Variants in RTL10 observed in about 807,000 individuals in gnomAD.
RTL10 encodes the protein retrotransposon Gag like 10, also known as protein Bop.
For missense variants in RTL10, 477 were observed against 470.7 expected, an observed-to-expected ratio of 1.01 and a Z score of -0.12; for synonymous variants, 199 against 188.4, an observed-to-expected ratio of 1.06 and a Z score of -0.46.
In RTL10 at chr22:19,848,165, T is replaced by C; in HGVS notation, c.*3002A>G. 5 of 985,440 alleles carry C rather than the reference T, an allele frequency of 5.1e-6. No homozygotes were observed. Among genetic ancestry groups the C allele is most frequent in the Non-Finnish European group, 6.0e-6 (5 of 829,914 alleles). 61.0% of individuals were successfully genotyped at this position (985,440 alleles called of 1,614,324 possible). ...TAAAGTTTTCCTTGCAGACAGGTAC[T>C]TTAAATACCATCTCACAGCACCCAT... On this transcript the variant is annotated 3_prime_UTR_variant, in exon 3 of 3. Coordinates refer to ENST00000328554, the MANE Select transcript of RTL10 (RefSeq NM_024627.6).
Position 19,850,833 on chromosome 22 carries a change from T to A in RTL10, c.*334A>T. On this transcript the variant is annotated 3_prime_UTR_variant, in exon 3 of 3. Coordinates refer to ENST00000328554, the MANE Select transcript of RTL10 (RefSeq NM_024627.6). ...GGGGGGTGTTTTATGGGGGTGGAGG[T>A]GACAAAGATGATGCAACTATCTGCT... 7.8e-7 allele frequency: 1 copy of A among 1,289,562 alleles called. No homozygotes were observed. The highest frequency in any genetic ancestry group is 9.8e-7 in the Non-Finnish European group (1 of 1,022,404). 79.9% of individuals were successfully genotyped at this position (1,289,562 alleles called of 1,614,324 possible). A position where few individuals can be genotyped will look rare whatever the true frequency, so the allele number is the denominator to read the frequency against.
Position 19,851,371 on chromosome 22 carries a change from G to T in RTL10, c.891C>A (p.Pro297=), listed in dbSNP as rs146626259. ...PASSQPEEAA[P]TPVPRLSESA... is the part of the protein sequence containing the mutation. ...ACTCCGACAGTCTAGGGACAGGTGT[G>T]GGGGCTGCCTCCTCTGGCTGGGAAG... The change falls in exon 3 of 3, where the codon CCC becomes CCA. Residue 297 remains proline, a synonymous_variant. Transcript: ENST00000328554. The T allele has an allele frequency of 3.1e-5, 50 of 1,614,020 alleles. 1 individual carries two copies. The South Asian group carries it at 4.3e-4, about 14-fold the overall frequency.
Position 19,849,798 on chromosome 22 carries a change from G to A in RTL10, c.*1369C>T. The A allele has an allele frequency of 1.0e-6, 1 of 985,352 alleles. No homozygotes were observed. Among genetic ancestry groups the A allele is most frequent in the Non-Finnish European group, 1.2e-6 (1 of 829,926 alleles). The allele number at this position is 985,352 out of a possible 1,614,324, so 61.0% of individuals were successfully genotyped here. On this transcript the variant is annotated 3_prime_UTR_variant, in exon 3 of 3. Transcript: ENST00000328554. ...GTGTTGTTTTGTTGTTTTCACAATT[G>A]TAAACCTGAAAGGGACTTGAACTTC...
rs1345773718 is a variant in RTL10, at chr22:19,851,948, C to A, written c.314G>T (p.Gly105Val). 2 of 1,614,074 alleles carry A rather than the reference C, an allele frequency of 1.2e-6. No homozygotes were observed. Among genetic ancestry groups the A allele is most frequent in the Non-Finnish European group, 1.7e-6 (2 of 1,179,944 alleles). The stretch of plus-strand genomic sequence containing the variant: ...TAGCCACGGGGAGCCATCAAAGGTG[C>A]CTGGGTCTGAGCCTGGTACCCAGCA... Reference protein sequence around the residue: ...DFCWVPGSDPGTFDGSPWLLD... With the variant: ...DFCWVPGSDPVTFDGSPWLLD... The change falls in exon 3 of 3, where the codon GGC (glycine) becomes GTC (valine). Residue 105 changes from glycine (G) to valine (V), a missense_variant. Gly to Val is a moderately radical substitution (Grantham distance 109). Coordinates refer to ENST00000328554, the MANE Select transcript of RTL10 (RefSeq NM_024627.6).
rs1477074798 is a variant in RTL10 at position 19,854,526 on chromosome 22, A to C, written c.-309T>G. On this transcript the variant is annotated 5_prime_UTR_variant, in exon 2 of 3. Transcript: ENST00000328554. ...GGACGGGCCTCCCTCTGAGGGCGAG[A>C]GTCCAGGCGCCACCTAGAAAGTGGA... The C allele has an allele frequency of 6.6e-6, 1 of 152,608 alleles. No individual in the cohort carries two copies. Among genetic ancestry groups the C allele is most frequent in the Non-Finnish European group, 1.5e-5 (1 of 68,070 alleles). The allele number at this position is 152,608 out of a possible 1,614,324, so 9.5% of individuals were successfully genotyped here. A position where few individuals can be genotyped will look rare whatever the true frequency, so the allele number is the denominator to read the frequency against.
Position 19,852,346 on chromosome 22 carries a change from G to C in RTL10, c.-85C>G. 1 of 1,432,842 alleles carries C rather than the reference G, an allele frequency of 7.0e-7. No individual in the cohort carries two copies. The highest frequency in any genetic ancestry group is 9.5e-7 in the Non-Finnish European group (1 of 1,049,394). The allele number at this position is 1,432,842 out of a possible 1,614,324, so 88.8% of individuals were successfully genotyped here. ...CAGATGTGGCTTGCACGACACAACA[G>C]GACAGGGATGGCTGAACAGGGCGTG... On this transcript the variant is annotated 5_prime_UTR_variant, in exon 3 of 3. Coordinates refer to ENST00000328554, the MANE Select transcript of RTL10 (RefSeq NM_024627.6).
At position 19,850,173 on chromosome 22, in the gene RTL10, C is replaced by T. The variant is rs943488519; in HGVS notation, c.*994G>A. On this transcript the variant is annotated 3_prime_UTR_variant, in exon 3 of 3. Coordinates refer to ENST00000328554, the MANE Select transcript of RTL10 (RefSeq NM_024627.6). ...CTGACCTGGAATGCTCATGGCCAGG[C>T]CTCTGCTCCTGACAGAATGGGAAAC... The T allele has an allele frequency of 2.0e-6, 2 of 985,572 alleles. No individual in the cohort carries two copies. Among genetic ancestry groups the T allele is most frequent in the African/African-American group, 1.7e-5 (1 of 57,230 alleles). The allele number at this position is 985,572 out of a possible 1,614,324, so 61.1% of individuals were successfully genotyped here. A position where few individuals can be genotyped will look rare whatever the true frequency, so the allele number is the denominator to read the frequency against.
chr22:19,853,378 G>C (rs1267167811), intron 2 of RTL10, among the ~76,000 whole-genome samples: 3 of 152,098 alleles, frequency 2.0e-5, no homozygotes, highest in African/African-American at 4.8e-5. Flanking sequence ...AGAGCCAGTA[G>C]CCAGTTCTAT....
intron 2 of RTL10, among the ~76,000 whole-genome samples, chr22:19,853,328 C>T (rs770573358): frequency 1.3e-5 from 2 of 152,160 alleles, no homozygotes; most frequent in African/African-American, 2.4e-5. Context: ...TGGCTGGACC[C>T]GCCCCTCCTT....
In RTL10 at chr22:19,846,470, G is replaced by A. The variant is rs1937963259; in HGVS notation, c.*4697C>T. 2.0e-6 allele frequency: 2 copies of A among 985,200 alleles called. No homozygotes were observed. Among genetic ancestry groups the A allele is most frequent in the Non-Finnish European group, 2.4e-6 (2 of 829,710 alleles). The allele number at this position is 985,200 out of a possible 1,614,324, so 61.0% of individuals were successfully genotyped here. A position where few individuals can be genotyped will look rare whatever the true frequency, so the allele number is the denominator to read the frequency against. On this transcript the variant is annotated 3_prime_UTR_variant, in exon 3 of 3. Coordinates refer to ENST00000328554, the MANE Select transcript of RTL10 (RefSeq NM_024627.6). ...GTATGGGCCCCAGAACCCAGGGCCT[G>A]GGGGACTCTGCACACAGGCATGTGG...
Position 19,846,356 on chromosome 22 carries a change from A to C in RTL10, c.*4811T>G. 2 of 932,514 alleles carry C rather than the reference A, an allele frequency of 2.1e-6. No homozygotes were observed. The highest frequency in any genetic ancestry group is 2.6e-6 in the Non-Finnish European group (2 of 781,290). The allele number at this position is 932,514 out of a possible 1,614,324, so 57.8% of individuals were successfully genotyped here. A position where few individuals can be genotyped will look rare whatever the true frequency, so the allele number is the denominator to read the frequency against. ...TGCCTTTGTACCCCCCAGGTAGGGA[A>C]AGATTTCTTAAGTGAGAAACAGCAT... is the stretch of plus-strand genomic sequence containing the variant. On this transcript the variant is annotated 3_prime_UTR_variant, in exon 3 of 3. Transcript: ENST00000328554.
chr22:19,849,126 A>T lies in RTL10; in HGVS notation c.*2041T>A, dbSNP rs1375341177. The T allele has an allele frequency of 7.1e-6, 7 of 985,314 alleles. No homozygotes were observed. The highest frequency in any genetic ancestry group is 8.4e-6 in the Non-Finnish European group (7 of 829,916). 61.0% of individuals were successfully genotyped at this position (985,314 alleles called of 1,614,324 possible). A position where few individuals can be genotyped will look rare whatever the true frequency, so the allele number is the denominator to read the frequency against. ...ATCCAGGGACTTCTCACATCTGACC[A>T]GAATCAAGACTGAAAATGGGTTTCT... On this transcript the variant is annotated 3_prime_UTR_variant, in exon 3 of 3. Transcript: ENST00000328554.
chr22:19,854,217 G>A (rs1938180946), intron 2 of RTL10, among the ~76,000 whole-genome samples: 1 of 152,290 alleles, frequency 6.6e-6, no homozygotes, highest in Admixed American at 6.5e-5. Flanking sequence ...TATCCTAAAG[G>A]GGCAGGTACC....
Position 19,851,300 on chromosome 22 carries a change from C to A in RTL10, c.962G>T (p.Gly321Val). Residue 321 changes from glycine to valine, a missense_variant, in exon 3 of 3, where the codon GGT becomes GTT. Transcript: ENST00000328554. ...AQRPDPAHPG[G>V]PKPQKTEEEV... ...CTCCTCTGTTTTCTGGGGTTTTGGA[C>A]CTCCTGGATGAGCTGGGTCTGGTCT... 1 of 1,613,982 alleles carries A rather than the reference C, an allele frequency of 6.2e-7. No homozygotes were observed. The highest frequency in any genetic ancestry group is 2.2e-5 in the East Asian group (1 of 44,884).
chr22:19,847,610 T>C lies in RTL10; in HGVS notation c.*3557A>G. The C allele has an allele frequency of 1.0e-6, 1 of 975,776 alleles. No individual in the cohort carries two copies. Among genetic ancestry groups the C allele is most frequent in the South Asian group, 4.7e-5 (1 of 21,058 alleles). 60.4% of individuals were successfully genotyped at this position (975,776 alleles called of 1,614,324 possible). On this transcript the variant is annotated 3_prime_UTR_variant, in exon 3 of 3. Transcript: ENST00000328554. The stretch of plus-strand genomic sequence containing the variant: ...GTCCCTGCTCTAAACCCCCATGTAG[T>C]GGTACCGAACCATGACCACCCCTGG...
At position 19,846,388 on chromosome 22, in the gene RTL10, C is replaced by G. The variant is rs35647317; in HGVS notation, c.*4779G>C. 0.042 allele frequency: 41,148 copies of G among 980,306 alleles called. 995 individuals carry two copies. Among genetic ancestry groups the G allele is most frequent in the Non-Finnish European group, 0.047 (38,684 of 825,110 alleles). 60.7% of individuals were successfully genotyped at this position (980,306 alleles called of 1,614,324 possible). On this transcript the variant is annotated 3_prime_UTR_variant, in exon 3 of 3. Transcript: ENST00000328554. Reference sequence around the variant, plus strand: ...CTTAAGTGAGAAACAGCATCCCATACAGCACAACTGGGCACTGCCTACTCA... The same window carrying G: ...CTTAAGTGAGAAACAGCATCCCATAGAGCACAACTGGGCACTGCCTACTCA...
chr22:19,854,123 G>A (rs946437234), intron 2 of RTL10, among the ~76,000 whole-genome samples: 2 of 152,138 alleles, frequency 1.3e-5, no homozygotes, highest in African/African-American at 4.8e-5. Flanking sequence ...GCCCTCCCAC[G>A]CCTATCAGTC....
chr22:19,847,804 C>CAAAAAAAAAAAAAAAAA lies in RTL10; in HGVS notation c.*3346_*3362dup, dbSNP rs34331843. ...ACTTTTAAAATCCTGGAATCATAGG[C>CAAAAAAAAAAAAAAAAA]AAAAAAAAAAAAAAAAAAAAATTCA... On this transcript the variant is annotated 3_prime_UTR_variant, in exon 3 of 3. Transcript: ENST00000328554. 671 of 611,872 alleles carry CAAAAAAAAAAAAAAAAA rather than the reference C, an allele frequency of 1.1e-3. 8 individuals are homozygous for CAAAAAAAAAAAAAAAAA. The highest frequency in any genetic ancestry group is 1.2e-3 in the African/African-American group (43 of 35,780). The allele number at this position is 611,872 out of a possible 1,614,324, so 37.9% of individuals were successfully genotyped here.
Position 19,847,242 on chromosome 22 carries a change from C to G in RTL10, c.*3925G>C. ...AGCCACGGTGGCCCACAGGTGCAAG[C>G]AAGAAATAAGCAGTGCCAACTGTAG... On this transcript the variant is annotated 3_prime_UTR_variant, in exon 3 of 3. Coordinates refer to ENST00000328554, the MANE Select transcript of RTL10 (RefSeq NM_024627.6). 1.0e-6 allele frequency: 1 copy of G among 985,474 alleles called. No homozygotes were observed. Among genetic ancestry groups the G allele is most frequent in the Middle Eastern group, 5.2e-4 (1 of 1,912 alleles). 61.0% of individuals were successfully genotyped at this position (985,474 alleles called of 1,614,324 possible).
Sources: allele counts gnomAD v4.1 joint callset (sites outside exome capture counted in the v4.1 genomes callset), GRCh38; gene constraint gnomAD v4.1.1; transcripts MANE v1.5; gene names NCBI Gene and HGNC (gene_info 2026-07-23, HGNC 2026-07-21).